The following TNFRSF19 variants were observed in gnomAD, a reference collection of about 807,000 sequenced individuals.
TNFRSF19 encodes the protein TNF receptor superfamily member 19.
Under a neutral mutation model 46.4 loss-of-function variants are expected in TNFRSF19, and 27 were observed. The ratio of observed to expected loss-of-function variants is 0.58; its 90% CI spans 0.43 to 0.80. The LOEUF (loss-of-function observed/expected upper bound fraction) is 0.80, where lower values mean the gene tolerates loss of function less well. Among genes scored for constraint, TNFRSF19 ranks in the 30% least tolerant of loss-of-function variants. TNFRSF19 has a pLI of 0.00. For missense variants in TNFRSF19, 511 were observed against 530.8 expected (o/e 0.96, Z 0.37); for synonymous variants, 204 against 205.0 (o/e 1.00, Z 0.04).
rs115526702 is a variant in TNFRSF19 at position 23,637,418 on chromosome 13, G to A, written c.445+10626G>A. Among the ~76,000 whole-genome samples, 662 of 152,352 alleles carry A rather than the reference G, an allele frequency of 4.3e-3. 2 individuals are homozygous for A. The highest frequency in any genetic ancestry group is 0.015 in the African/African-American group (641 of 41,580). On this transcript the variant is annotated intron_variant, in intron 5 of 9. Coordinates refer to ENST00000248484, the MANE Select transcript of TNFRSF19 (RefSeq NM_148957.4). ...GATGCTAGTGATTGTAAAAGAGGCA[G>A]TAATGCCGGGGCTGAGTCCTGAATC...
At chr13:23,671,567 G>T (rs1431086828) in intron 9 of TNFRSF19, among the ~76,000 whole-genome samples, 3 of 151,496 alleles carry the variant, frequency 2.0e-5, no homozygotes, top group Non-Finnish European at 4.4e-5. Flanking sequence ...TGAACCTTAA[G>T]CTACTTCAGG....
In TNFRSF19 at chr13:23,675,446, C is replaced by G. The variant is rs1332099226; in HGVS notation, c.*2066C>G. ...GGGAATGAGACTTTGGCCAAAAATC[C>G]CAAAACATCATTTTCAATCAGTAGA... On this transcript the variant is annotated 3_prime_UTR_variant, in exon 10 of 10. Transcript: ENST00000248484. 6.6e-6 allele frequency: 1 copy of G among 152,084 alleles called. No homozygotes were observed. The highest frequency in any genetic ancestry group is 1.5e-5 in the Non-Finnish European group (1 of 68,016). 9.4% of individuals were successfully genotyped at this position (152,084 alleles called of 1,614,324 possible). A position where few individuals can be genotyped will look rare whatever the true frequency, so the allele number is the denominator to read the frequency against.
At chr13:23,611,042 C>A (rs1874031387) in intron 3 of TNFRSF19, among the ~76,000 whole-genome samples, 1 of 152,044 alleles carries the variant, frequency 6.6e-6, no homozygotes, top group African/African-American at 2.4e-5. Context: ...TCACATATCC[C>A]TTATCCTGAA....
chr13:23,573,543 A>G (rs1877762785), intron 1 of TNFRSF19, among the ~76,000 whole-genome samples: 1 of 152,152 alleles, frequency 6.6e-6, no homozygotes, highest in Non-Finnish European at 1.5e-5. Context: ...GTGTGTTTTG[A>G]AGGAATTGAT....
At chr13:23,645,383 G>A (rs933935428) in intron 5 of TNFRSF19, among the ~76,000 whole-genome samples, 32 of 151,974 alleles carry the variant, frequency 2.1e-4, no homozygotes, top group African/African-American at 7.0e-4. Flanking sequence ...TGTATTTTTA[G>A]TAGAGACGGG....
At chr13:23,650,417 A>G (rs762193926) in intron 5 of TNFRSF19, among the ~76,000 whole-genome samples, 10 of 152,256 alleles carry the variant, frequency 6.6e-5, no homozygotes, top group Non-Finnish European at 1.2e-4. Flanking sequence ...GTCATTAAAA[A>G]GTGAAGCTCC....
intron 7 of TNFRSF19, among the ~76,000 whole-genome samples, chr13:23,667,301 G>A (rs2138413280): frequency 6.6e-6 from 1 of 152,228 alleles, no homozygotes; most frequent in African/African-American, 2.4e-5. Flanking sequence ...AATACATCCA[G>A]CTTCAGTGAT....
intron 7 of TNFRSF19, among the ~76,000 whole-genome samples, chr13:23,662,856 A>G (rs1459015699): frequency 1.3e-5 from 2 of 152,164 alleles, no homozygotes; most frequent in Non-Finnish European, 2.9e-5. Flanking sequence ...TGATTTTTGT[A>G]CGTAGATTTT....
In TNFRSF19 at chr13:23,673,196, T is replaced by G. The variant is rs754900926; in HGVS notation, c.1246-176T>G. On this transcript the variant is annotated intron_variant, in intron 9 of 9. Coordinates refer to ENST00000248484, the MANE Select transcript of TNFRSF19 (RefSeq NM_148957.4). ...GAAAATATTTATTTTATCCTGAGAT[T>G]ACATGGGTAGCTGGATATTTGGATA... Among the ~76,000 whole-genome samples the G allele has an allele frequency of 8.5e-5, 13 of 152,226 alleles. 1 individual carries two copies. The highest frequency in any genetic ancestry group is 1.2e-4 in the African/African-American group (5 of 41,462).
In TNFRSF19 at chr13:23,660,409, T is replaced by C; in HGVS notation, c.655T>C (p.Ser219Pro). The C allele has an allele frequency of 6.2e-7, 1 of 1,613,994 alleles. No homozygotes were observed. The highest frequency in any genetic ancestry group is 1.1e-5 in the South Asian group (1 of 91,066). The change falls in exon 7 of 10, where the codon TCG becomes CCG. Residue 219 changes from serine (S) to proline (P), a missense_variant. Physicochemically the swap from Ser to Pro is moderately conservative, Grantham distance 74. This residue lies in a region of TNFRSF19 where 376 missense variants were observed against 372.7 expected (regional missense o/e 1.01). Coordinates refer to ENST00000248484, the MANE Select transcript of TNFRSF19 (RefSeq NM_148957.4). The stretch of plus-strand genomic sequence containing the variant: ...CATTCAGTACAACGGCTCTGAGCTG[T>C]CGTGTTTTGACAGACCTCAGCTCCA... ...QDIQYNGSELSCFDRPQLHEY... is the reference protein window; with the variant it reads ...QDIQYNGSELPCFDRPQLHEY...
Position 23,624,943 on chromosome 13 carries a change from G to A in TNFRSF19, c.360-1764G>A, listed in dbSNP as rs560442067. Reference sequence around the variant, plus strand: ...TTTTTTGTATTTTTCATAGAGACGGGGTTTCACCATTTTGGCCAGGCTGGT... The same window carrying A: ...TTTTTTGTATTTTTCATAGAGACGGAGTTTCACCATTTTGGCCAGGCTGGT... On this transcript the variant is annotated intron_variant, in intron 4 of 9. Coordinates refer to ENST00000248484, the MANE Select transcript of TNFRSF19 (RefSeq NM_148957.4). 9.9e-4 allele frequency among the ~76,000 whole-genome samples: 150 copies of A among 151,860 alleles called. No homozygotes were observed. In the Middle Eastern group the frequency reaches 0.024, roughly 24 times the overall value.
chr13:23,655,780 GTTT>G (rs1170794012), intron 5 of TNFRSF19, among the ~76,000 whole-genome samples: 11 of 146,700 alleles, frequency 7.5e-5, no homozygotes. Flanking sequence ...TTTTGTTTTT[GTTT>G]TTGTTTTTTG....
At position 23,668,998 on chromosome 13, in the gene TNFRSF19, G is replaced by T. The variant is rs772750634; in HGVS notation, c.1146G>T (p.Leu382=). Reference sequence around the variant, plus strand: ...ATTTATCTAGATATAACAACACACTGGTAGAATCAGCATCAACTCAGGATG... The same window carrying T: ...ATTTATCTAGATATAACAACACACTTGTAGAATCAGCATCAACTCAGGATG... ...ATDLSRYNNT[L]VESASTQDAL... The change falls in exon 9 of 10, where the codon CTG becomes CTT. Residue 382 remains leucine, a synonymous_variant. Transcript: ENST00000248484. 5.0e-5 allele frequency: 81 copies of T among 1,614,070 alleles called. No individual in the cohort carries two copies. Among genetic ancestry groups the T allele is most frequent in the Non-Finnish European group, 6.3e-5 (74 of 1,180,042 alleles).
At chr13:23,600,188 T>C (rs1880032898) in intron 3 of TNFRSF19, among the ~76,000 whole-genome samples, 1 of 152,240 alleles carries the variant, frequency 6.6e-6, no homozygotes, top group African/African-American at 2.4e-5. Flanking sequence ...CATTTCTGAT[T>C]TCATATATAT....
intron 3 of TNFRSF19, among the ~76,000 whole-genome samples, chr13:23,601,806 T>G (rs1041957622): frequency 6.6e-6 from 1 of 152,098 alleles, no homozygotes; most frequent in African/African-American, 2.4e-5. Context: ...AAAGGAGGCT[T>G]GGACTGGTTA....
At chr13:23,639,117 G>A (rs989618754) in intron 5 of TNFRSF19, among the ~76,000 whole-genome samples, 1 of 152,158 alleles carries the variant, frequency 6.6e-6, no homozygotes, top group Non-Finnish European at 1.5e-5. Context: ...TTAAGGCCAG[G>A]TGTGGTGGCT....
chr13:23,572,472 C>T (rs1173986128), intron 1 of TNFRSF19, among the ~76,000 whole-genome samples: 2 of 152,084 alleles, frequency 1.3e-5, no homozygotes, highest in Non-Finnish European at 1.5e-5. Flanking sequence ...CTGAAACTTG[C>T]TCATTTAGTT....
At chr13:23,660,318 T>C (rs769350198) in intron 6 of TNFRSF19, 47 bp from the exon 7 acceptor site, 77 of 1,583,316 alleles carry the variant, frequency 4.9e-5, no homozygotes, top group Non-Finnish European at 6.1e-5. Flanking sequence ...ACAGGTCCAC[T>C]AGAGAGGAGA....
At chr13:23,597,092 A>T (rs1157649955) in intron 3 of TNFRSF19, among the ~76,000 whole-genome samples, 7 of 152,220 alleles carry the variant, frequency 4.6e-5, no homozygotes, top group Non-Finnish European at 8.8e-5. Flanking sequence ...ATACAGCTAA[A>T]GTAGCATTTA....
Sources: gnomAD v4.1 joint callset for allele counts (sites outside exome capture counted in the v4.1 genomes callset) on GRCh38, gnomAD v4.1.1 for gene constraint, gnomAD v4.1.1 regional missense constraint, MANE v1.5 for transcripts, NCBI Gene and HGNC (gene_info 2026-07-23, HGNC 2026-07-21) for gene names.